Variants in VOPP1 observed in about 807,000 individuals in gnomAD.
VOPP1 encodes the protein VOPP1 WW domain binding protein, also known as WW domain binding protein VOPP1.
Under a neutral mutation model 23.5 loss-of-function variants are expected in VOPP1, and 8 were observed. The observed-to-expected ratio is 0.34, with a 90% CI of 0.20 to 0.61. The LOEUF is 0.61. Among genes scored for constraint, VOPP1 ranks in the 20% least tolerant of loss-of-function variants. The probability of loss-of-function intolerance (pLI) is 0.78; values close to 1 mark genes in which losing one functional copy is unlikely to be tolerated. For missense variants in VOPP1, 174 were observed against 238.1 expected (o/e 0.73, Z 1.77); for synonymous variants, 83 against 97.3 (o/e 0.85, Z 0.86).
chr7:55,442,050 G>A (rs1790978087), intron 4 of VOPP1, among the ~76,000 whole-genome samples: 2 of 151,888 alleles, frequency 1.3e-5, no homozygotes, highest in South Asian at 2.1e-4. Context: ...TAATAATATC[G>A]GCCATTATTG....
intron 4 of VOPP1, among the ~76,000 whole-genome samples, chr7:55,442,864 C>T (rs1344807644): frequency 6.6e-6 from 1 of 152,144 alleles, no homozygotes; most frequent in Non-Finnish European, 1.5e-5. Context: ...TGCCTGTAAT[C>T]CCAGCACTTT....
In VOPP1 at chr7:55,570,500, G is replaced by T. The variant is rs189597900; in HGVS notation, c.54+1771C>A. Among the ~76,000 whole-genome samples the T allele has an allele frequency of 4.5e-3, 683 of 152,258 alleles. 3 individuals are homozygous for T. The highest frequency in any genetic ancestry group is 6.9e-3 in the Non-Finnish European group (466 of 68,008). On this transcript the variant is annotated intron_variant, in intron 1 of 4. Transcript: ENST00000285279. Reference sequence around the variant, plus strand: ...TTAAGAGGATACATTCCTATGCAACGAAACAGCTATTTTGGAAAGAATGGA... The same window carrying T: ...TTAAGAGGATACATTCCTATGCAACTAAACAGCTATTTTGGAAAGAATGGA...
At chr7:55,506,998 G>T (rs918007256) in intron 2 of VOPP1, among the ~76,000 whole-genome samples, 1 of 152,132 alleles carries the variant, frequency 6.6e-6, no homozygotes, top group African/African-American at 2.4e-5. Context: ...GCCTTAATAT[G>T]GCATAACCTC....
intron 4 of VOPP1, among the ~76,000 whole-genome samples, chr7:55,464,638 G>A (rs534709680): frequency 6.6e-6 from 1 of 152,318 alleles, no homozygotes; most frequent in South Asian, 2.1e-4. Context: ...AGAGTCCTGG[G>A]AATCTGGCTA....
chr7:55,464,906 C>CTCT (rs1363397252), intron 4 of VOPP1, among the ~76,000 whole-genome samples: 2 of 152,112 alleles, frequency 1.3e-5, no homozygotes, highest in East Asian at 3.8e-4. Context: ...GTCTCAGGGC[C>CTCT]CACAAGGGCT....
Position 55,572,496 on chromosome 7 carries a change from G to A in VOPP1, c.-172C>T, listed in dbSNP as rs1412436849. Reference sequence around the variant, plus strand: ...CGGGGCGCGCCGCGCAGCCCTGGCTGCGCTCCGCCCCCGGCCGCCGCGCGC... The same window carrying A: ...CGGGGCGCGCCGCGCAGCCCTGGCTACGCTCCGCCCCCGGCCGCCGCGCGC... On this transcript the variant is annotated 5_prime_UTR_variant, in exon 1 of 5. Transcript: ENST00000285279. 4.6e-6 allele frequency: 1 copy of A among 217,508 alleles called. No individual in the cohort carries two copies. Among genetic ancestry groups the A allele is most frequent in the Non-Finnish European group, 7.6e-6 (1 of 131,306 alleles). 13.5% of individuals were successfully genotyped at this position (217,508 alleles called of 1,614,324 possible). A position where few individuals can be genotyped will look rare whatever the true frequency, so the allele number is the denominator to read the frequency against.
chr7:55,530,366 C>T (rs1300363565), intron 1 of VOPP1, among the ~76,000 whole-genome samples: 3 of 152,106 alleles, frequency 2.0e-5, no homozygotes, highest in Non-Finnish European at 4.4e-5. Context: ...CATTCCAGCT[C>T]AATCAGAAGG....
At chr7:55,495,553 A>G (rs1222019021) in intron 3 of VOPP1, among the ~76,000 whole-genome samples, 1 of 152,216 alleles carries the variant, frequency 6.6e-6, no homozygotes, top group Non-Finnish European at 1.5e-5. Flanking sequence ...CTGACGACCC[A>G]GTCAAAAGCT....
intron 1 of VOPP1, among the ~76,000 whole-genome samples, chr7:55,529,085 A>G (rs1178579379): frequency 1.3e-5 from 2 of 152,174 alleles, no homozygotes; most frequent in Non-Finnish European, 2.9e-5. Flanking sequence ...GGGACACATA[A>G]GAGTCCTCAA....
At chr7:55,451,110 T>A (rs1460299540) in intron 4 of VOPP1, among the ~76,000 whole-genome samples, 1 of 152,098 alleles carries the variant, frequency 6.6e-6, no homozygotes, top group Non-Finnish European at 1.5e-5. Flanking sequence ...CCCTTCACCT[T>A]CTTCTTGCGG....
At chr7:55,538,759 G>A (rs1320391418) in intron 1 of VOPP1, 2 of 1,079,548 alleles carry the variant, frequency 1.9e-6, no homozygotes, top group Non-Finnish European at 2.6e-6. Context: ...CGCTTTCTAA[G>A]GGGAATGCTG....
At chr7:55,561,977 C>T (rs1264721959) in intron 1 of VOPP1, 1 of 703,490 alleles carries the variant, frequency 1.4e-6, no homozygotes, top group South Asian at 1.5e-5. Context: ...CTTCAGGACC[C>T]ACAGTAGTCG....
chr7:55,498,038 C>G (rs1409727233), intron 2 of VOPP1, among the ~76,000 whole-genome samples: 1 of 152,216 alleles, frequency 6.6e-6, no homozygotes, highest in Non-Finnish European at 1.5e-5. Context: ...TCCACAGGAG[C>G]CCAGCACCCA....
chr7:55,502,464 G>T lies in VOPP1; in HGVS notation c.114-4774C>A, dbSNP rs988604172. Reference sequence around the variant, plus strand: ...ACCCATTCACTCTCCGCATTCTTGCGGCTCATCTGCGGCGCTGGCCCGGCT... The same window carrying T: ...ACCCATTCACTCTCCGCATTCTTGCTGCTCATCTGCGGCGCTGGCCCGGCT... On this transcript the variant is annotated intron_variant, in intron 2 of 4. Coordinates refer to ENST00000285279, the MANE Select transcript of VOPP1 (RefSeq NM_030796.5). Among the ~76,000 whole-genome samples, 5 of 152,170 alleles carry T rather than the reference G, an allele frequency of 3.3e-5. No homozygotes were observed. The East Asian group carries it at 9.6e-4, about 29-fold the overall frequency.
downstream of VOPP1, among the ~76,000 whole-genome samples, chr7:55,467,911 A>G (rs1791671936): frequency 6.6e-6 from 1 of 152,218 alleles, no homozygotes; most frequent in South Asian, 2.1e-4. Flanking sequence ...AAAACAAGCT[A>G]AACTGGTATT....
At chr7:55,509,787 C>T (rs185757969) in intron 2 of VOPP1, among the ~76,000 whole-genome samples, 3 of 152,306 alleles carry the variant, frequency 2.0e-5, no homozygotes, top group Admixed American at 1.3e-4. Context: ...TGAATCTTTC[C>T]CGGAACCTAT....
chr7:55,500,491 C>T (rs561634090), intron 2 of VOPP1, among the ~76,000 whole-genome samples: 15 of 152,352 alleles, frequency 9.8e-5, no homozygotes, highest in African/African-American at 3.4e-4. Context: ...GAATGCAGTG[C>T]AGCCCACTGC....
At chr7:55,556,636 A>AC (rs5884422) in intron 1 of VOPP1, among the ~76,000 whole-genome samples, 115,058 of 145,834 alleles carry the variant, frequency 0.79, 45,693 homozygotes, top group Non-Finnish European at 0.84. Context: ...AGCTGTTGGA[A>AC]CCCCCCCCCA....
intron 1 of VOPP1, among the ~76,000 whole-genome samples, chr7:55,542,912 GTTTT>G (rs1797195469): frequency 6.6e-6 from 1 of 151,354 alleles, no homozygotes; most frequent in African/African-American, 2.4e-5. Context: ...CTTCTTTTTT[GTTTT>G]TTTATTTTTA....
Sources: allele counts gnomAD v4.1 joint callset (sites outside exome capture counted in the v4.1 genomes callset), GRCh38; gene constraint gnomAD v4.1.1; transcripts MANE v1.5; gene names NCBI Gene and HGNC (gene_info 2026-07-23, HGNC 2026-07-21).